Variants in IGFL2 observed in about 807,000 individuals in gnomAD.
The protein encoded by IGFL2 is insulin growth factor-like family member 2.
In IGFL2, 7 loss-of-function variants were observed where a neutral mutation model predicts 13.9. The ratio of observed to expected loss-of-function variants is 0.51; its 90% confidence interval spans 0.29 to 0.95. The LOEUF is 0.95. Among genes scored for constraint, IGFL2 ranks in the 40% least tolerant of loss-of-function variants. The pLI is 0.08. For synonymous variants in IGFL2, 55 were observed against 55.8 expected (o/e 0.99, Z 0.07); for missense variants, 138 against 147.8 (o/e 0.93, Z 0.34).
the IGFL2 span, among the ~76,000 whole-genome samples, chr19:46,166,925 G>A: frequency 6.6e-6 from 1 of 151,974 alleles, no homozygotes; most frequent in East Asian, 1.9e-4. Context: ...AAACACACAT[G>A]CTTTACAATT....
chr19:46,144,129 A>G (rs1033404162), upstream of IGFL2, among the ~76,000 whole-genome samples: 2 of 152,258 alleles, frequency 1.3e-5, no homozygotes, highest in African/African-American at 2.4e-5. Flanking sequence ...CTCTTCTGCA[A>G]CCACTCAGTT....
chr19:46,085,196 A>G, the IGFL2 span, among the ~76,000 whole-genome samples: 1 of 152,152 alleles, frequency 6.6e-6, no homozygotes, highest in Non-Finnish European at 1.5e-5. Context: ...ACTGCACTCC[A>G]GCCTGGGCAA....
chr19:46,168,131 C>T, the IGFL2 span, among the ~76,000 whole-genome samples: 69 of 152,286 alleles, frequency 4.5e-4, no homozygotes, highest in African/African-American at 1.2e-3. Flanking sequence ...GACTAGGTCT[C>T]GCTGTGTTGC....
rs764913368 is a variant in IGFL2, at chr19:46,160,616, C to T, written c.76C>T (p.Pro26Ser). The change falls in exon 3 of 4, where the codon CCC becomes TCC. Residue 26 changes from proline (P) to serine (S), a missense_variant and splice_region_variant. Pro to Ser is a moderately conservative substitution (Grantham distance 74). Transcript: ENST00000377693. ...LLLCPREVIA[P>S]AGSEPWLCQP... ...ACAATGTCTGTCCATCTGTCCAGCT[C>T]CCGCTGGCTCAGAACCATGGCTGTG... 22 of 1,614,028 alleles carry T rather than the reference C, an allele frequency of 1.4e-5. No homozygotes were observed. The highest frequency in any genetic ancestry group is 1.8e-5 in the Non-Finnish European group (21 of 1,180,004).
At chr19:46,176,855 C>T in the IGFL2 span, among the ~76,000 whole-genome samples, 1 of 152,180 alleles carries the variant, frequency 6.6e-6, no homozygotes. Flanking sequence ...CTGAAAGCAC[C>T]ATTTTCAGTT....
the IGFL2 span, among the ~76,000 whole-genome samples, chr19:46,109,786 T>C: frequency 6.6e-6 from 1 of 152,100 alleles, no homozygotes. Context: ...GGAGGGTGTA[T>C]TGTCAGAAAG....
the IGFL2 span, among the ~76,000 whole-genome samples, chr19:46,085,292 A>G: frequency 6.6e-6 from 1 of 152,156 alleles, no homozygotes; most frequent in Admixed American, 6.6e-5. Flanking sequence ...AAAGCTCCAA[A>G]ATAGTCTCTC....
At chr19:46,190,904 T>C in the IGFL2 span, among the ~76,000 whole-genome samples, 1 of 152,154 alleles carries the variant, frequency 6.6e-6, no homozygotes, top group Non-Finnish European at 1.5e-5. Context: ...GGTTGACTAT[T>C]CGGGAGTCCC....
chr19:46,139,938 TCA>T (rs144249757), upstream of IGFL2, among the ~76,000 whole-genome samples: 7 of 150,346 alleles, frequency 4.7e-5, no homozygotes, highest in African/African-American at 9.7e-5. Context: ...TTTCACGCAC[TCA>T]CACACACACA....
the IGFL2 span, chr19:46,181,401 A>G: frequency 1.3e-5 from 2 of 152,164 alleles, no homozygotes; most frequent in South Asian, 2.1e-4. Context: ...TGGTCAAACA[A>G]TGACCTGCCA....
downstream of IGFL2, chr19:46,161,409 AAACAAAAGGCTG>A (rs1419997527): frequency 8.4e-6 from 2 of 237,582 alleles, no homozygotes; most frequent in Non-Finnish European, 1.6e-5. Flanking sequence ...AGTTCTGCTG[AAACAAAAGGCTG>A]GAGAGTTTTT....
the IGFL2 span, among the ~76,000 whole-genome samples, chr19:46,088,325 C>A: frequency 4.8e-3 from 732 of 152,246 alleles, 5 homozygotes; most frequent in Non-Finnish European, 8.4e-3. Flanking sequence ...ATAATTTGAT[C>A]CATTTACATT....
chr19:46,137,760 A>G, the IGFL2 span, among the ~76,000 whole-genome samples: 3 of 152,314 alleles, frequency 2.0e-5, no homozygotes, highest in African/African-American at 7.2e-5. Flanking sequence ...AGTTGATTCA[A>G]AGAACCAGTC....
At chr19:46,153,481 C>CT (rs1973624514) in intron 1 of IGFL2, among the ~76,000 whole-genome samples, 1 of 152,078 alleles carries the variant, frequency 6.6e-6, no homozygotes, top group Admixed American at 6.5e-5. Flanking sequence ...TGTATGTCTT[C>CT]TTTTGAGAAC....
the IGFL2 span, among the ~76,000 whole-genome samples, chr19:46,179,137 A>T: frequency 1.3e-4 from 17 of 135,784 alleles, no homozygotes; most frequent in East Asian, 1.2e-3. Context: ...AGAGGCAGGG[A>T]TGCAGGGGTC....
the IGFL2 span, chr19:46,137,419 A>G: frequency 1.9e-6 from 2 of 1,031,846 alleles, no homozygotes; most frequent in Non-Finnish European, 3.1e-6. Flanking sequence ...CTTGCTCGGA[A>G]GGATGGACAT....
At chr19:46,214,237 C>G in the IGFL2 span, 1 of 152,254 alleles carries the variant, frequency 6.6e-6, no homozygotes, top group African/African-American at 2.4e-5. Context: ...GTTCAACAAG[C>G]CCAGAGTCGG....
At chr19:46,137,469 C>T in the IGFL2 span, 2 of 1,102,678 alleles carry the variant, frequency 1.8e-6, no homozygotes, top group Admixed American at 1.7e-5. Context: ...AGAATCTGCA[C>T]AGACTCCTTG....
At chr19:46,085,614 T>C in the IGFL2 span, among the ~76,000 whole-genome samples, 1 of 152,222 alleles carries the variant, frequency 6.6e-6, no homozygotes, top group South Asian at 2.1e-4. Flanking sequence ...GCATTTAGCC[T>C]GTTTACATTC....
Sources: allele counts gnomAD v4.1 joint callset (sites outside exome capture counted in the v4.1 genomes callset), GRCh38; gene constraint gnomAD v4.1.1; transcripts MANE v1.5; gene names NCBI Gene and HGNC (gene_info 2026-07-23, HGNC 2026-07-21).